The following MTMR7 variants were observed in gnomAD, a reference collection of about 807,000 sequenced individuals.
The protein encoded by MTMR7 is myotubularin related protein 7, also known as phosphatidylinositol-3-phosphate phosphatase MTMR7.
A neutral mutation model predicts 81.2 loss-of-function variants in MTMR7; 76 were observed. The observed-to-expected ratio is 0.94, with a 90% confidence interval of 0.78 to 1.13. MTMR7 has a LOEUF of 1.13. Among genes scored for constraint, MTMR7 ranks in the 50% most tolerant of loss-of-function variants. The pLI is 0.00. For synonymous variants in MTMR7, 372 were observed against 289.8 expected, an observed-to-expected ratio of 1.28 and a Z score of -2.88; for missense variants, 1,044 against 820.0, an observed-to-expected ratio of 1.27 and a Z score of -3.34.
At chr8:17,357,872 A>G (rs1221120750) in intron 4 of MTMR7, among the ~76,000 whole-genome samples, 2 of 152,232 alleles carry the variant, frequency 1.3e-5, no homozygotes, top group Non-Finnish European at 1.5e-5. Flanking sequence ...TGTGTATGCC[A>G]TAAGTGTGCC....
At chr8:17,387,642 C>G (rs918211832) in intron 1 of MTMR7, among the ~76,000 whole-genome samples, 2 of 152,302 alleles carry the variant, frequency 1.3e-5, no homozygotes, top group African/African-American at 4.8e-5. Context: ...TAAGTCCTTC[C>G]TCCACATGGG....
Position 17,348,955 on chromosome 8 carries a change from G to A in MTMR7, c.595C>T (p.His199Tyr), listed in dbSNP as rs148115774. 2.0e-4 allele frequency: 321 copies of A among 1,613,470 alleles called. No homozygotes were observed. The highest frequency in any genetic ancestry group is 2.5e-4 in the Non-Finnish European group (294 of 1,179,922). ...PVLSYYYKDN[H>Y]ASICRSSQPL... ...CAAAAACACGCCTCGAGACTTACGTGGTTATCTTTATAATAGTAAGAAAGG... is the reference window on the plus strand; with the variant it reads ...CAAAAACACGCCTCGAGACTTACGTAGTTATCTTTATAATAGTAAGAAAGG... Residue 199 changes from histidine to tyrosine, a missense_variant and splice_region_variant, in exon 5 of 14, where the codon CAC (histidine) becomes TAC (tyrosine). Physicochemically the swap from His to Tyr is moderately conservative, Grantham distance 83. Transcript: ENST00000180173.
At chr8:17,317,930 T>C (rs79883886) in intron 7 of MTMR7, among the ~76,000 whole-genome samples, 2,007 of 152,246 alleles carry the variant, frequency 0.013, 30 homozygotes, top group Non-Finnish European at 0.017. Context: ...CACTTCATTC[T>C]CATTTCAGTG....
intron 4 of MTMR7, among the ~76,000 whole-genome samples, chr8:17,350,097 T>A (rs932428029): frequency 1.3e-5 from 2 of 152,208 alleles, no homozygotes; most frequent in African/African-American, 4.8e-5. Context: ...TCAACACATT[T>A]TGCTTTCACT....
At chr8:17,355,149 A>C (rs1053903485) in intron 4 of MTMR7, among the ~76,000 whole-genome samples, 1 of 152,176 alleles carries the variant, frequency 6.6e-6, no homozygotes, top group Non-Finnish European at 1.5e-5. Context: ...TTATTCCACA[A>C]GATGTGGTTC....
intron 1 of MTMR7, among the ~76,000 whole-genome samples, chr8:17,381,108 G>C (rs994440135): frequency 1.2e-4 from 19 of 152,146 alleles, no homozygotes; most frequent in African/African-American, 4.6e-4. Flanking sequence ...TAGCATCTTT[G>C]TCTATCTTCA....
At chr8:17,369,389 A>T (rs998037797) in intron 3 of MTMR7, among the ~76,000 whole-genome samples, 11 of 152,236 alleles carry the variant, frequency 7.2e-5, no homozygotes, top group African/African-American at 2.7e-4. Flanking sequence ...TCCATTTAGT[A>T]ACTTTAGCTC....
intron 2 of MTMR7, among the ~76,000 whole-genome samples, chr8:17,372,156 A>G (rs573412406): frequency 6.6e-6 from 1 of 152,266 alleles, no homozygotes; most frequent in South Asian, 2.1e-4. Context: ...AGTCTTCAAT[A>G]GCAGCATTTT....
rs1352415017 is a variant in MTMR7, at chr8:17,310,959, TA to T, written c.1101+551del. ...AGCAACGTTACATTTGATGCCCACC[TA>T]AAAAGCTCAAACTCTACAGGATATA... On this transcript the variant is annotated intron_variant, in intron 9 of 13. Coordinates refer to ENST00000180173, the MANE Select transcript of MTMR7 (RefSeq NM_004686.5). Among the ~76,000 whole-genome samples, 3 of 152,214 alleles carry T rather than the reference TA, an allele frequency of 2.0e-5. No homozygotes were observed. In the East Asian group the frequency reaches 5.8e-4, roughly 29 times the overall value.
At chr8:17,306,802 G>A (rs1817484019) in intron 10 of MTMR7, among the ~76,000 whole-genome samples, 3 of 152,162 alleles carry the variant, frequency 2.0e-5, no homozygotes, top group Admixed American at 1.3e-4. Flanking sequence ...CTCACCTTTG[G>A]TAGCTTTAAA....
rs1387045244 is a variant in MTMR7 at position 17,302,211 on chromosome 8, T to C, written c.1563A>G (p.Leu521=). 6.2e-7 allele frequency: 1 copy of C among 1,614,098 alleles called. No homozygotes were observed. Among genetic ancestry groups the C allele is most frequent in the Admixed American group, 1.7e-5 (1 of 60,014 alleles). Residue 521 remains leucine, a synonymous_variant, in exon 13 of 14, where the codon CTA becomes CTG. Coordinates refer to ENST00000180173, the MANE Select transcript of MTMR7 (RefSeq NM_004686.5). ...GCTGAGTTTCTTCCTTCACTGCCAT[T>C]AGGTAATCTGTAACTGACTGTCGGG... ...MQPRQSVTDY[L]MAVKEETQQL... is the part of the protein sequence containing the mutation.
At chr8:17,378,971 T>G (rs1820677442) in intron 1 of MTMR7, among the ~76,000 whole-genome samples, 1 of 152,150 alleles carries the variant, frequency 6.6e-6, no homozygotes, top group African/African-American at 2.4e-5. Flanking sequence ...AGAAGAGATC[T>G]GAGGAAAGCC....
At chr8:17,309,581 A>G (rs540084404) in intron 9 of MTMR7, among the ~76,000 whole-genome samples, 1 of 152,210 alleles carries the variant, frequency 6.6e-6, no homozygotes, top group African/African-American at 2.4e-5. Flanking sequence ...AATGCTTCCT[A>G]TGTGCCAGGC....
intron 1 of MTMR7, among the ~76,000 whole-genome samples, chr8:17,389,259 T>C (rs1187618908): frequency 6.6e-6 from 1 of 152,210 alleles, no homozygotes; most frequent in Non-Finnish European, 1.5e-5. Context: ...GGTTTCTACT[T>C]ATCCTACACT....
Position 17,366,883 on chromosome 8 carries a change from C to T in MTMR7, c.310+4154G>A, listed in dbSNP as rs1432302190. On this transcript the variant is annotated intron_variant, in intron 3 of 13. Transcript: ENST00000180173. ...CCTGGATGACAGAGCGAGACTCCAT[C>T]TCAAAAAAAAAAAAACTGTAGCTGA... 7.8e-5 allele frequency among the ~76,000 whole-genome samples: 7 copies of T among 90,282 alleles called. No individual in the cohort carries two copies. In the East Asian group the frequency reaches 1.6e-3, roughly 21 times the overall value. The allele number at this position is 90,282 out of a possible 152,430, so 59.2% of individuals were successfully genotyped here.
At chr8:17,358,388 CT>C (rs1356402226) in intron 4 of MTMR7, among the ~76,000 whole-genome samples, 1 of 152,104 alleles carries the variant, frequency 6.6e-6, no homozygotes, top group Non-Finnish European at 1.5e-5. Context: ...AGCAGAGTAA[CT>C]TTAAAATATA....
intron 1 of MTMR7, among the ~76,000 whole-genome samples, chr8:17,375,182 G>A (rs1177382494): frequency 6.6e-6 from 1 of 152,106 alleles, no homozygotes; most frequent in Non-Finnish European, 1.5e-5. Context: ...GGGAGTAGCA[G>A]ACCTCGTGAA....
At chr8:17,347,195 G>GAA (rs57811867) in intron 5 of MTMR7, among the ~76,000 whole-genome samples, 52 of 112,442 alleles carry the variant, frequency 4.6e-4, no homozygotes, top group African/African-American at 1.4e-3. Context: ...TCTTGTTTCC[G>GAA]AAAAAAAAAA....
intron 1 of MTMR7, among the ~76,000 whole-genome samples, chr8:17,390,748 C>T (rs193087875): frequency 6.6e-6 from 1 of 152,106 alleles, no homozygotes; most frequent in Non-Finnish European, 1.5e-5. Flanking sequence ...CACAAGGGAG[C>T]AGGAGAGAGA....
Sources: gnomAD v4.1 joint callset for allele counts (sites outside exome capture counted in the v4.1 genomes callset) on GRCh38, gnomAD v4.1.1 for gene constraint, MANE v1.5 for transcripts, NCBI Gene and HGNC (gene_info 2026-07-23, HGNC 2026-07-21) for gene names.